TAFA2: variants seen among roughly 807,000 people sequenced by gnomAD.
The protein encoded by TAFA2 is chemokine-like protein TAFA-2.
In TAFA2, 7 loss-of-function variants were observed where a neutral mutation model predicts 18.8. That is an observed-to-expected ratio of 0.37 (90% CI 0.21 to 0.70). TAFA2 has a LOEUF of 0.70. Among genes scored for constraint, TAFA2 ranks in the 30% least tolerant of loss-of-function variants. TAFA2 has a pLI of 0.53. For missense variants in TAFA2, 122 were observed against 158.1 expected (o/e 0.77, Z 1.23); for synonymous variants, 60 against 54.2 (o/e 1.11, Z -0.47).
At chr12:61,753,377 G>A (rs1869109729) in intron 4 of TAFA2, among the ~76,000 whole-genome samples, 1 of 152,056 alleles carries the variant, frequency 6.6e-6, no homozygotes, top group Non-Finnish European at 1.5e-5. Context: ...AGTATTTTAT[G>A]AAGGAGCAAA....
At chr12:61,760,786 CAT>C (rs1379383803) in intron 2 of TAFA2, among the ~76,000 whole-genome samples, 2 of 118,454 alleles carry the variant, frequency 1.7e-5, no homozygotes, top group Admixed American at 1.8e-4. Context: ...CAGTTAGTAT[CAT>C]ATTAAAATGA....
chr12:61,911,722 A>G (rs897203250), intron 1 of TAFA2, among the ~76,000 whole-genome samples: 1 of 152,144 alleles, frequency 6.6e-6, no homozygotes, highest in Non-Finnish European at 1.5e-5. Flanking sequence ...GAGAGTCACA[A>G]ATAGAATTGA....
chr12:61,974,019 A>C (rs1445887438), intron 1 of TAFA2, among the ~76,000 whole-genome samples: 1 of 151,768 alleles, frequency 6.6e-6, no homozygotes, highest in Non-Finnish European at 1.5e-5. Flanking sequence ...AGGAATGTGT[A>C]TTATGTTATG....
intron 1 of TAFA2, among the ~76,000 whole-genome samples, chr12:62,178,816 G>T (rs2062532616): frequency 6.6e-6 from 1 of 152,204 alleles, no homozygotes; most frequent in Admixed American, 6.5e-5. Context: ...CAGAGACAGA[G>T]ATTGTTTTCC....
At chr12:61,966,266 T>C (rs1306640595) in intron 1 of TAFA2, among the ~76,000 whole-genome samples, 1 of 151,922 alleles carries the variant, frequency 6.6e-6, no homozygotes, top group East Asian at 1.9e-4. Context: ...AAGTCTAAGA[T>C]CAAGGCATTG....
chr12:62,147,324 A>ATATATATATATATATATG (rs1565760129), intron 1 of TAFA2, among the ~76,000 whole-genome samples: 1 of 20,014 alleles, frequency 5.0e-5, no homozygotes, highest in Non-Finnish European at 1.1e-4. Flanking sequence ...GTGTGTATGT[A>ATATATATATATATATATG]TGTATATATA....
intron 1 of TAFA2, among the ~76,000 whole-genome samples, chr12:62,239,719 T>C (rs1045130639): frequency 1.3e-5 from 2 of 152,214 alleles, no homozygotes; most frequent in African/African-American, 4.8e-5. Flanking sequence ...TGAGGTCCTA[T>C]GCAACAGCCA....
At chr12:62,101,355 T>C (rs1869192674) in intron 1 of TAFA2, among the ~76,000 whole-genome samples, 1 of 152,118 alleles carries the variant, frequency 6.6e-6, no homozygotes, top group Non-Finnish European at 1.5e-5. Flanking sequence ...AACTGATACA[T>C]CTCTGATCCA....
At chr12:61,879,344 C>A (rs924672421) in intron 1 of TAFA2, 25 of 681,414 alleles carry the variant, frequency 3.7e-5, no homozygotes, top group South Asian at 1.4e-4. Context: ...TCCAGAAGTC[C>A]TACAAGGTAT....
At chr12:61,965,425 C>T (rs144175676) in intron 1 of TAFA2, among the ~76,000 whole-genome samples, 301 of 152,018 alleles carry the variant, frequency 2.0e-3, no homozygotes, top group Non-Finnish European at 3.2e-3. Context: ...GTTATAGCAA[C>T]CTGATAGGCT....
chr12:61,980,284 G>A (rs913252818), intron 1 of TAFA2, among the ~76,000 whole-genome samples: 2 of 152,022 alleles, frequency 1.3e-5, no homozygotes, highest in Non-Finnish European at 2.9e-5. Flanking sequence ...CAATAAACTA[G>A]GTATTGATAG....
intron 1 of TAFA2, among the ~76,000 whole-genome samples, chr12:61,941,669 T>G (rs1878023688): frequency 6.6e-6 from 1 of 152,186 alleles, no homozygotes; most frequent in Admixed American, 6.5e-5. Context: ...GAGTTCCCTT[T>G]CCGAGTCAAA....
chr12:61,995,512 C>A (rs1039345866), intron 1 of TAFA2, among the ~76,000 whole-genome samples: 6 of 152,044 alleles, frequency 3.9e-5, no homozygotes, highest in African/African-American at 1.4e-4. Context: ...TTTCGTCTGT[C>A]TTCTCTATTA....
At chr12:62,183,089 C>T (rs1206832700) in intron 1 of TAFA2, among the ~76,000 whole-genome samples, 7 of 152,176 alleles carry the variant, frequency 4.6e-5, no homozygotes, top group Non-Finnish European at 1.0e-4. Context: ...GCCTAAATCT[C>T]CAATGTGATG....
At chr12:62,207,410 G>T (rs527996896) in intron 1 of TAFA2, among the ~76,000 whole-genome samples, 1 of 152,008 alleles carries the variant, frequency 6.6e-6, no homozygotes, top group Non-Finnish European at 1.5e-5. Flanking sequence ...GTCCCAAGTG[G>T]TTTCTGGAAA....
At chr12:61,940,919 T>C (rs1442990257) in intron 1 of TAFA2, among the ~76,000 whole-genome samples, 1 of 152,186 alleles carries the variant, frequency 6.6e-6, no homozygotes, top group Non-Finnish European at 1.5e-5. Flanking sequence ...AATACTAGAT[T>C]ATCCAAGATA....
intron 1 of TAFA2, among the ~76,000 whole-genome samples, chr12:62,093,779 TA>T (rs1235118354): frequency 6.6e-6 from 1 of 151,970 alleles, no homozygotes; most frequent in African/African-American, 2.4e-5. Flanking sequence ...TGTATTCTTT[TA>T]AAAAACAAGA....
At chr12:61,935,189 G>T (rs1382981498) in intron 1 of TAFA2, among the ~76,000 whole-genome samples, 2 of 152,108 alleles carry the variant, frequency 1.3e-5, no homozygotes, top group Non-Finnish European at 2.9e-5. Context: ...TAGAATGTCT[G>T]GTTCTGACTA....
chr12:62,074,407 A>T (rs80064099), intron 1 of TAFA2, among the ~76,000 whole-genome samples: 6,573 of 152,304 alleles, frequency 0.043, 227 homozygotes, highest in Non-Finnish European at 0.059. Flanking sequence ...TCTCTACTGC[A>T]ATTTAATTGT....
Sources: gnomAD v4.1 joint callset for allele counts (sites outside exome capture counted in the v4.1 genomes callset) on GRCh38, gnomAD v4.1.1 for gene constraint, MANE v1.5 for transcripts, NCBI Gene and HGNC (gene_info 2026-07-23, HGNC 2026-07-21) for gene names.